KCNB2: variants seen among roughly 807,000 people sequenced by gnomAD.
The protein encoded by KCNB2 is delayed rectifier potassium channel protein.
In KCNB2, 15 loss-of-function variants were observed where a neutral mutation model predicts 61.5. That is an observed-to-expected ratio of 0.24 (90% CI 0.16 to 0.38). The LOEUF (loss-of-function observed/expected upper bound fraction) is 0.38. Ranked by LOEUF, KCNB2 falls within the 10% of genes least tolerant of loss-of-function variation. The probability of loss-of-function intolerance (pLI) is 1.00; values close to 1 mark genes in which losing one functional copy is unlikely to be tolerated. For synonymous variants in KCNB2, 457 were observed against 446.0 expected, an observed-to-expected ratio of 1.02 and a Z score of -0.31; for missense variants, 828 against 1,125.2, an observed-to-expected ratio of 0.74 and a Z score of 3.78.
At chr8:72,684,456 G>A (rs1475247324) in intron 2 of KCNB2, among the ~76,000 whole-genome samples, 2 of 152,134 alleles carry the variant, frequency 1.3e-5, no homozygotes, top group Non-Finnish European at 2.9e-5. Context: ...AGTAAGGGGT[G>A]TAGAGTCAGA....
intron 1 of KCNB2, among the ~76,000 whole-genome samples, chr8:72,541,141 A>C (rs181753230): frequency 1.3e-5 from 2 of 151,960 alleles, no homozygotes. Context: ...AAATTTTCAC[A>C]AACTATGCAT....
intron 2 of KCNB2, among the ~76,000 whole-genome samples, chr8:72,697,370 T>C (rs1807033915): frequency 6.6e-6 from 1 of 152,190 alleles, no homozygotes; most frequent in Non-Finnish European, 1.5e-5. Flanking sequence ...TGAGATATTA[T>C]CTATGTCTTT....
intron 2 of KCNB2, among the ~76,000 whole-genome samples, chr8:72,677,106 G>GTC (rs1027511454): frequency 4.3e-5 from 3 of 70,222 alleles, no homozygotes; most frequent in South Asian, 6.9e-4. Flanking sequence ...TTTGGACACA[G>GTC]ACGTACACAT....
chr8:72,616,223 A>G (rs1167146754), intron 2 of KCNB2, among the ~76,000 whole-genome samples: 1 of 152,200 alleles, frequency 6.6e-6, no homozygotes, highest in Admixed American at 6.5e-5. Flanking sequence ...TTTCTTGCCC[A>G]TTCAAGCTTC....
At chr8:72,882,669 A>G (rs2129005246) in intron 2 of KCNB2, among the ~76,000 whole-genome samples, 1 of 152,012 alleles carries the variant, frequency 6.6e-6, no homozygotes, top group Non-Finnish European at 1.5e-5. Context: ...CAGAGAAACA[A>G]GATGATGGTC....
intron 2 of KCNB2, among the ~76,000 whole-genome samples, chr8:72,872,146 C>T (rs572417037): frequency 6.6e-6 from 1 of 152,138 alleles, no homozygotes; most frequent in Non-Finnish European, 1.5e-5. Flanking sequence ...AAGTAGTGAC[C>T]ATTTGCTTGT....
chr8:72,704,977 C>T (rs2196903), intron 2 of KCNB2, among the ~76,000 whole-genome samples: 44,091 of 151,722 alleles, frequency 0.29, 10,724 homozygotes, highest in African/African-American at 0.67. Flanking sequence ...TGTTATTTTT[C>T]CTTGCTTTTT....
intron 2 of KCNB2, among the ~76,000 whole-genome samples, chr8:72,775,969 C>T (rs1808642291): frequency 6.6e-6 from 1 of 152,148 alleles, no homozygotes; most frequent in African/African-American, 2.4e-5. Flanking sequence ...CATTGCGGCA[C>T]TATTCACAAT....
chr8:72,653,909 A>G (rs1806250230), intron 2 of KCNB2, among the ~76,000 whole-genome samples: 2 of 152,224 alleles, frequency 1.3e-5, no homozygotes, highest in African/African-American at 4.8e-5. Flanking sequence ...CTGAAGAGAA[A>G]GATATCTGGG....
At chr8:72,778,229 AAG>A (rs1808689718) in intron 2 of KCNB2, among the ~76,000 whole-genome samples, 1 of 152,180 alleles carries the variant, frequency 6.6e-6, no homozygotes, top group Non-Finnish European at 1.5e-5. Flanking sequence ...TATGGAAACA[AAG>A]AGTGAGTTTT....
At chr8:72,771,601 T>C (rs1345965978) in intron 2 of KCNB2, among the ~76,000 whole-genome samples, 1 of 152,002 alleles carries the variant, frequency 6.6e-6, no homozygotes, top group African/African-American at 2.4e-5. Flanking sequence ...GAAGGGGAAT[T>C]TTAGGTTCTG....
rs1313038052 is a variant in KCNB2, at chr8:72,714,250, A to G, written c.579+145937A>G. ...GAAAACACTCTGCAGGATATTATCC[A>G]GGAGAACTTCCCCAATCTAGCAAGG... is the stretch of plus-strand genomic sequence containing the variant. On this transcript the variant is annotated intron_variant, in intron 2 of 2. Coordinates refer to ENST00000523207, the MANE Select transcript of KCNB2 (RefSeq NM_004770.3). 2.0e-5 allele frequency among the ~76,000 whole-genome samples: 3 copies of G among 152,226 alleles called. No homozygotes were observed. In the East Asian group the frequency reaches 5.8e-4, roughly 29 times the overall value.
chr8:72,800,970 C>T (rs2128999542), intron 2 of KCNB2, among the ~76,000 whole-genome samples: 1 of 152,282 alleles, frequency 6.6e-6, no homozygotes, highest in African/African-American at 2.4e-5. Flanking sequence ...CCAGAACTCA[C>T]AAGTGTCCCT....
chr8:72,796,213 C>T (rs1359380129), intron 2 of KCNB2, among the ~76,000 whole-genome samples: 1 of 152,072 alleles, frequency 6.6e-6, no homozygotes, highest in Non-Finnish European at 1.5e-5. Context: ...GGGGTGACCA[C>T]CTGGTTGGAG....
At chr8:72,729,117 T>A (rs1212701844) in intron 2 of KCNB2, among the ~76,000 whole-genome samples, 1 of 152,138 alleles carries the variant, frequency 6.6e-6, no homozygotes, top group Non-Finnish European at 1.5e-5. Context: ...TGGGTGTCAG[T>A]TTGTCATCTG....
At position 72,884,920 on chromosome 8, in the gene KCNB2, T is replaced by C. The variant is rs139172811; in HGVS notation, c.580-51015T>C. ...AATGACTTTTAAGATAAGCTTGTCATGTGTCATAAGAATCTCTATTGGGAT... is the reference window on the plus strand; with the variant it reads ...AATGACTTTTAAGATAAGCTTGTCACGTGTCATAAGAATCTCTATTGGGAT... On this transcript the variant is annotated intron_variant, in intron 2 of 2. Coordinates refer to ENST00000523207, the MANE Select transcript of KCNB2 (RefSeq NM_004770.3). Among the ~76,000 whole-genome samples the C allele has an allele frequency of 4.2e-3, 635 of 152,332 alleles. 1 individual carries two copies. The highest frequency in any genetic ancestry group is 0.015 in the African/African-American group (616 of 41,586).
chr8:72,615,598 G>C (rs1319243325), intron 2 of KCNB2, among the ~76,000 whole-genome samples: 2 of 152,184 alleles, frequency 1.3e-5, no homozygotes, highest in Non-Finnish European at 2.9e-5. Context: ...GAAAACTGCT[G>C]TTCTGCCCCT....
Position 72,936,669 on chromosome 8 carries a change from G to A in KCNB2, c.1314G>A (p.Glu438=). The change falls in exon 3 of 3, where the codon GAG becomes GAA. Residue 438 remains glutamate (E), a synonymous_variant. Coordinates refer to ENST00000523207, the MANE Select transcript of KCNB2 (RefSeq NM_004770.3). This position sits in a 1 kb window ranked among gnomAD's most constrained non-coding sequence, Gnocchi z 5.6. ...AAGAGAAAGCAATTAAAAGGAGGGA[G>A]GCTCTTGAGCGGGCCAAAAGGAACG... ...KRQEKAIKRR[E]ALERAKRNGS... is the part of the protein sequence containing the mutation. The A allele has an allele frequency of 1.2e-6, 2 of 1,614,200 alleles. No individual in the cohort carries two copies. Among genetic ancestry groups the A allele is most frequent in the East Asian group, 2.2e-5 (1 of 44,888 alleles).
At chr8:72,729,778 G>T (rs1807710668) in intron 2 of KCNB2, among the ~76,000 whole-genome samples, 1 of 152,074 alleles carries the variant, frequency 6.6e-6, no homozygotes, top group African/African-American at 2.4e-5. Flanking sequence ...AGCTACTTGG[G>T]AGGCTGAGGC....
Sources: gnomAD v4.1 joint callset for allele counts (sites outside exome capture counted in the v4.1 genomes callset) on GRCh38, gnomAD v4.1.1 for gene constraint, Gnocchi (gnomAD v3.1) non-coding constraint, MANE v1.5 for transcripts, NCBI Gene and HGNC (gene_info 2026-07-23, HGNC 2026-07-21) for gene names.